The following DDX10 variants were observed in gnomAD, a reference collection of about 807,000 sequenced individuals.
The protein encoded by DDX10 is probable ATP-dependent RNA helicase DDX10.
In DDX10, 74 loss-of-function variants were observed where a neutral mutation model predicts 104.3. That is an observed-to-expected ratio of 0.71 (90% confidence interval 0.59 to 0.86). DDX10 has a LOEUF of 0.86. Ranked by LOEUF, DDX10 falls within the 40% of genes least tolerant of loss-of-function variation. DDX10 has a pLI of 0.00. For synonymous variants in DDX10, 351 were observed against 353.4 expected (o/e 0.99, Z 0.08); for missense variants, 952 against 1,040.0 (o/e 0.92, Z 1.16).
intron 13 of DDX10, among the ~76,000 whole-genome samples, chr11:108,779,429 C>A (rs1321214912): frequency 6.6e-6 from 1 of 151,882 alleles, no homozygotes; most frequent in African/African-American, 2.4e-5. Context: ...GAGCAGATAT[C>A]ACGAGGACAG....
chr11:108,862,342 A>G (rs1424534528), intron 16 of DDX10, among the ~76,000 whole-genome samples: 1 of 152,198 alleles, frequency 6.6e-6, no homozygotes, highest in Non-Finnish European at 1.5e-5. Context: ...CTTTTAAAAA[A>G]TGATGCGGGT....
chr11:108,682,730 T>G (rs536753975), intron 6 of DDX10, among the ~76,000 whole-genome samples: 27 of 152,260 alleles, frequency 1.8e-4, no homozygotes, highest in Non-Finnish European at 3.7e-4. Context: ...CCAGTTCTTC[T>G]TCTTGTATTG....
chr11:108,928,679 A>C (rs990217572), intron 17 of DDX10, among the ~76,000 whole-genome samples: 2 of 152,200 alleles, frequency 1.3e-5, no homozygotes, highest in Non-Finnish European at 2.9e-5. Flanking sequence ...TTTCTTCATC[A>C]GTCAAAGGAA....
At chr11:108,673,684 A>G (rs1227325607) in intron 2 of DDX10, among the ~76,000 whole-genome samples, 157 bp downstream of exon 2, 2 of 152,224 alleles carry the variant, frequency 1.3e-5, no homozygotes, top group East Asian at 1.9e-4. Flanking sequence ...TTTTAACAGT[A>G]CGTTATTCTC....
chr11:108,703,703 T>C (rs1317213831), intron 9 of DDX10, among the ~76,000 whole-genome samples: 1 of 152,218 alleles, frequency 6.6e-6, no homozygotes, highest in African/African-American at 2.4e-5. Flanking sequence ...TTTTGAAATC[T>C]AAAAGCTTGC....
intron 5 of DDX10, among the ~76,000 whole-genome samples, chr11:108,678,819 G>A (rs1208479400): frequency 6.8e-6 from 1 of 147,752 alleles, no homozygotes; most frequent in Non-Finnish European, 1.5e-5. Flanking sequence ...TTGATTTGTA[G>A]GAAAGTTGCA....
chr11:108,851,813 T>G (rs1443258277), intron 15 of DDX10, among the ~76,000 whole-genome samples: 1 of 152,184 alleles, frequency 6.6e-6, no homozygotes, highest in Non-Finnish European at 1.5e-5. Context: ...ATTGAACTTG[T>G]TTCTAGAAAT....
intron 13 of DDX10, among the ~76,000 whole-genome samples, chr11:108,829,362 A>AT (rs1346609852): frequency 6.6e-6 from 1 of 152,048 alleles, no homozygotes; most frequent in Middle Eastern, 3.2e-3. Flanking sequence ...GATGCTGAGC[A>AT]TTTTTCCACA....
At position 108,818,668 on chromosome 11, in the gene DDX10, C is replaced by T. The variant is rs141688792; in HGVS notation, c.1966-19778C>T. Among the ~76,000 whole-genome samples, 32 of 152,216 alleles carry T rather than the reference C, an allele frequency of 2.1e-4. No individual in the cohort carries two copies. The East Asian group carries it at 3.9e-3, about 18-fold the overall frequency. ...CAACTGAATCTTTTAAATTATTGTA[C>T]GGTACAAATAACCAAAGTGCTTGGA... On this transcript the variant is annotated intron_variant, in intron 13 of 17. Coordinates refer to ENST00000322536, the MANE Select transcript of DDX10 (RefSeq NM_004398.4).
intron 13 of DDX10, among the ~76,000 whole-genome samples, chr11:108,798,428 A>C (rs897330724): frequency 6.6e-6 from 1 of 152,180 alleles, no homozygotes; most frequent in Admixed American, 6.5e-5. Context: ...TATACCTTTT[A>C]AACAGTAACT....
chr11:108,821,030 A>G (rs1165220048), intron 13 of DDX10, among the ~76,000 whole-genome samples: 9 of 152,210 alleles, frequency 5.9e-5, no homozygotes, highest in Non-Finnish European at 8.8e-5. Context: ...GATTTGTTTA[A>G]GCGTGATGTA....
At chr11:108,904,720 T>C (rs1863567053) in intron 16 of DDX10, among the ~76,000 whole-genome samples, 1 of 151,300 alleles carries the variant, frequency 6.6e-6, no homozygotes, top group Admixed American at 6.6e-5. Flanking sequence ...ACTAGTTCCG[T>C]CAGGGTTTTT....
chr11:108,800,275 C>CAAA (rs5794604), intron 13 of DDX10, among the ~76,000 whole-genome samples: 18 of 106,236 alleles, frequency 1.7e-4, no homozygotes, highest in African/African-American at 6.6e-4. Flanking sequence ...ACTAAAAATA[C>CAAA]AAAAAAAAAA....
intron 16 of DDX10, among the ~76,000 whole-genome samples, chr11:108,904,768 T>C (rs773256747): frequency 6.6e-5 from 10 of 152,076 alleles, no homozygotes; most frequent in South Asian, 2.1e-4. Flanking sequence ...TGGCCAAAGA[T>C]TGAAAATGTA....
intron 17 of DDX10, chr11:108,918,322 T>G: frequency 2.6e-6 from 1 of 377,980 alleles, no homozygotes; most frequent in East Asian, 3.9e-5. Flanking sequence ...TTTCTCTGAG[T>G]CCTTTATGCC....
At chr11:108,810,927 T>C (rs573339031) in intron 13 of DDX10, among the ~76,000 whole-genome samples, 24 of 152,244 alleles carry the variant, frequency 1.6e-4, no homozygotes, top group Middle Eastern at 3.4e-3. Context: ...CACCACACAA[T>C]CACCATTCTT....
intron 16 of DDX10, among the ~76,000 whole-genome samples, chr11:108,868,558 C>T (rs1310795182): frequency 2.0e-5 from 3 of 151,986 alleles, no homozygotes; most frequent in African/African-American, 7.2e-5. Flanking sequence ...GGTCACAATC[C>T]ACTGATGGCT....
chr11:108,860,252 G>C (rs1461940014), intron 16 of DDX10, among the ~76,000 whole-genome samples: 2 of 152,134 alleles, frequency 1.3e-5, no homozygotes, highest in Admixed American at 6.5e-5. Flanking sequence ...TAGCTTAAAA[G>C]TATGTAAAGG....
intron 13 of DDX10, among the ~76,000 whole-genome samples, chr11:108,762,662 G>A (rs1449619649): frequency 6.6e-6 from 1 of 151,460 alleles, no homozygotes; most frequent in Non-Finnish European, 1.5e-5. Context: ...TCACATTGGG[G>A]CTAAGTAAAT....
Sources: allele counts gnomAD v4.1 joint callset (sites outside exome capture counted in the v4.1 genomes callset), GRCh38; gene constraint gnomAD v4.1.1; transcripts MANE v1.5; gene names NCBI Gene and HGNC (gene_info 2026-07-23, HGNC 2026-07-21).